MEGF10: variants seen among roughly 807,000 people sequenced by gnomAD.
MEGF10 encodes multiple epidermal growth factor-like domains protein 10.
In MEGF10, 86 loss-of-function variants were observed where a neutral mutation model predicts 147.5. That is an observed-to-expected ratio of 0.58 (90% CI 0.49 to 0.70). The LOEUF (loss-of-function observed/expected upper bound fraction) is 0.70, where lower values mean the gene tolerates loss of function less well. Ranked by LOEUF, MEGF10 falls within the 30% of genes least tolerant of loss-of-function variation. The pLI, the probability that MEGF10 is intolerant of heterozygous loss-of-function variation, is 0.00. For missense variants in MEGF10, 1,329 were observed against 1,487.3 expected (o/e 0.89, Z 1.75); for synonymous variants, 478 against 525.5 (o/e 0.91, Z 1.24).
chr5:127,247,407 GAAGAA>G, the MEGF10 span, among the ~76,000 whole-genome samples: 2 of 65,300 alleles, frequency 3.1e-5, no homozygotes, highest in Admixed American at 1.6e-4. Flanking sequence ...AGAAGAAGAA[GAAGAA>G]GAAGAAGAAG....
rs1196146646 is a variant in MEGF10 at position 127,420,170 on chromosome 5, C to G, written c.1553C>G (p.Pro518Arg). 5 of 1,614,050 alleles carry G rather than the reference C, an allele frequency of 3.1e-6. No individual in the cohort carries two copies. The highest frequency in any genetic ancestry group is 1.3e-5 in the African/African-American group (1 of 74,922). The change falls in exon 12 of 25, where the codon CCT (proline) becomes CGT (arginine). Residue 518 changes from proline (P) to arginine (R), a missense_variant. By Grantham distance (103) the Pro-to-Arg change is moderately radical. Coordinates refer to ENST00000503335, the MANE Select transcript of MEGF10 (RefSeq NM_001256545.2). ...CTGGACGGGACCTGCACGTGTGCAC[C>G]TGGATGGCGCGGGGAGAAATGCGAA... ...NTLDGTCTCA[P>R]GWRGEKCELP...
chr5:127,258,387 T>C, the MEGF10 span, among the ~76,000 whole-genome samples: 1 of 152,204 alleles, frequency 6.6e-6, no homozygotes, highest in Non-Finnish European at 1.5e-5. Context: ...AAATTAATTA[T>C]AGAACAGAGT....
At chr5:127,373,385 C>G (rs1312723155) in intron 5 of MEGF10, among the ~76,000 whole-genome samples, 1 of 152,204 alleles carries the variant, frequency 6.6e-6, no homozygotes, top group Non-Finnish European at 1.5e-5. Flanking sequence ...GTCCTGACCT[C>G]AGTTGATCCA....
At chr5:127,434,514 G>A (rs1765490412) in intron 14 of MEGF10, among the ~76,000 whole-genome samples, 173 bp from the exon 15 acceptor site, 1 of 152,102 alleles carries the variant, frequency 6.6e-6, no homozygotes, top group Admixed American at 6.6e-5. Flanking sequence ...TCATTAAAGG[G>A]TTCCTTTGTT....
At chr5:127,374,337 A>T (rs1762948654) in intron 5 of MEGF10, among the ~76,000 whole-genome samples, 1 of 152,208 alleles carries the variant, frequency 6.6e-6, no homozygotes, top group Non-Finnish European at 1.5e-5. Context: ...AATACTTAAC[A>T]TTTGGCCAAC....
At chr5:127,298,736 C>T (rs1759629369) in intron 1 of MEGF10, among the ~76,000 whole-genome samples, 1 of 152,108 alleles carries the variant, frequency 6.6e-6, no homozygotes, top group African/African-American at 2.4e-5. Flanking sequence ...TCTGTGAGAA[C>T]CCATGCCTCT....
the MEGF10 span, among the ~76,000 whole-genome samples, chr5:127,282,386 C>T: frequency 6.6e-6 from 1 of 152,128 alleles, no homozygotes; most frequent in Non-Finnish European, 1.5e-5. Context: ...TTTTCTGATG[C>T]CTTTTATTAA....
chr5:127,279,203 G>A, the MEGF10 span, among the ~76,000 whole-genome samples: 1 of 152,194 alleles, frequency 6.6e-6, no homozygotes, highest in East Asian at 1.9e-4. Context: ...GAAAAGGCTA[G>A]GATCAATGGA....
Position 127,460,017 on chromosome 5 carries a change from T to C in MEGF10, c.*2699T>C, listed in dbSNP as rs905479388. 3 of 152,218 alleles carry C rather than the reference T, an allele frequency of 2.0e-5. No individual in the cohort carries two copies. Among genetic ancestry groups the C allele is most frequent in the Admixed American group, 2.0e-4 (3 of 15,280 alleles). 9.4% of individuals were successfully genotyped at this position (152,218 alleles called of 1,614,324 possible). On this transcript the variant is annotated 3_prime_UTR_variant, in exon 25 of 25. Transcript: ENST00000503335. Reference sequence around the variant, plus strand: ...GGAACTTTTCCAGATGTATCGAATTTAATTTGACATTGATGTCACTCTTCA... The same window carrying C: ...GGAACTTTTCCAGATGTATCGAATTCAATTTGACATTGATGTCACTCTTCA...
intron 5 of MEGF10, among the ~76,000 whole-genome samples, chr5:127,386,685 A>G (rs969672126): frequency 1.3e-5 from 2 of 152,300 alleles, no homozygotes; most frequent in South Asian, 4.1e-4. Flanking sequence ...TTGAAATTTT[A>G]CATTGTGAGA....
At chr5:127,254,271 A>T in the MEGF10 span, among the ~76,000 whole-genome samples, 1 of 152,176 alleles carries the variant, frequency 6.6e-6, no homozygotes, top group African/African-American at 2.4e-5. Flanking sequence ...AATACACCCT[A>T]CACAAATGCA....
At chr5:127,246,574 G>A in the MEGF10 span, among the ~76,000 whole-genome samples, 4 of 151,324 alleles carry the variant, frequency 2.6e-5, no homozygotes, top group South Asian at 8.3e-4. Context: ...TGCACATTCT[G>A]CACGTGTATC....
chr5:127,312,855 C>A (rs186225757), intron 1 of MEGF10, among the ~76,000 whole-genome samples: 2 of 152,136 alleles, frequency 1.3e-5, no homozygotes, highest in Non-Finnish European at 1.5e-5. Flanking sequence ...TTTCAGATAA[C>A]CTGAAACCAT....
At chr5:127,402,272 T>C (rs1033361746) in intron 7 of MEGF10, among the ~76,000 whole-genome samples, 21 of 152,356 alleles carry the variant, frequency 1.4e-4, no homozygotes, top group Middle Eastern at 6.8e-3. Context: ...TGTTTTAAAC[T>C]TCAGTTTTTA....
the MEGF10 span, among the ~76,000 whole-genome samples, chr5:127,247,398 GAAGAAGAAGAAGAAGAAGAAGAA>G: frequency 4.2e-5 from 2 of 47,658 alleles, no homozygotes; most frequent in East Asian, 4.5e-4. Context: ...AGAAGAAGAA[GAAGAAGAAGAAGAAGAAGAAGAA>G]GAAGAAGAAG....
intron 4 of MEGF10, among the ~76,000 whole-genome samples, chr5:127,348,952 T>C (rs1249008455): frequency 6.6e-6 from 1 of 152,148 alleles, no homozygotes; most frequent in Non-Finnish European, 1.5e-5. Context: ...AAATATAGGC[T>C]GGATGCGGTG....
At chr5:127,276,180 G>A in the MEGF10 span, among the ~76,000 whole-genome samples, 2 of 152,206 alleles carry the variant, frequency 1.3e-5, no homozygotes, top group East Asian at 1.9e-4. Context: ...ACATTCCAGA[G>A]TGTGAAGACT....
At chr5:127,265,970 G>C in the MEGF10 span, among the ~76,000 whole-genome samples, 1 of 152,244 alleles carries the variant, frequency 6.6e-6, no homozygotes, top group African/African-American at 2.4e-5. Flanking sequence ...ATTGCTTTTG[G>C]TGTTTTAGAC....
the MEGF10 span, among the ~76,000 whole-genome samples, chr5:127,231,678 A>T: frequency 2.4e-4 from 36 of 152,352 alleles, no homozygotes; most frequent in African/African-American, 7.9e-4. Flanking sequence ...TGATACATAG[A>T]AAATACTCAA....
Sources: allele counts gnomAD v4.1 joint callset (sites outside exome capture counted in the v4.1 genomes callset), GRCh38; gene constraint gnomAD v4.1.1; transcripts MANE v1.5; gene names NCBI Gene and HGNC (gene_info 2026-07-23, HGNC 2026-07-21).